OPALIN: variants seen among roughly 807,000 people sequenced by gnomAD.
OPALIN encodes the protein transmembrane protein 10.
In OPALIN, 15 loss-of-function variants were observed where a neutral mutation model predicts 17.8. The observed-to-expected ratio is 0.84, with a 90% CI of 0.56 to 1.29. The LOEUF (loss-of-function observed/expected upper bound fraction) is 1.29, where lower values mean the gene tolerates loss of function less well. Among genes scored for constraint, OPALIN ranks in the 50% most tolerant of loss-of-function variants. The pLI is 0.00. For synonymous variants in OPALIN, 62 were observed against 63.8 expected, an observed-to-expected ratio of 0.97 and a Z score of 0.14; for missense variants, 170 against 176.0, an observed-to-expected ratio of 0.97 and a Z score of 0.19.
chr10:96,355,409 C>T, intron 1 of OPALIN, 119 bp from the exon 2 acceptor site: 1 of 838,090 alleles, frequency 1.2e-6, no homozygotes, highest in Non-Finnish European at 1.9e-6. Context: ...TAGACTCAGC[C>T]AGCCCCCATC....
chr10:96,356,633 G>C (rs149873943), intron 1 of OPALIN, among the ~76,000 whole-genome samples: 1 of 152,312 alleles, frequency 6.6e-6, no homozygotes, highest in East Asian at 1.9e-4. Context: ...CTGACTTACT[G>C]ATGGATTGGA....
At chr10:96,353,679 C>T (rs1315624379) in intron 2 of OPALIN, among the ~76,000 whole-genome samples, 2 of 152,322 alleles carry the variant, frequency 1.3e-5, no homozygotes, top group South Asian at 2.1e-4. Flanking sequence ...TGCTTCTCTG[C>T]ATTCTCTTGA....
chr10:96,353,274 T>A (rs992987035), intron 2 of OPALIN, among the ~76,000 whole-genome samples: 2 of 152,178 alleles, frequency 1.3e-5, no homozygotes, highest in African/African-American at 2.4e-5. Flanking sequence ...GGCATTTCAG[T>A]CCTCAGCAGG....
chr10:96,349,775 T>C lies in OPALIN; in HGVS notation c.124A>G (p.Thr42Ala), dbSNP rs748577490. Residue 42 changes from threonine (T) to alanine (A), a missense_variant, in exon 4 of 6, where the codon ACA becomes GCA. Thr to Ala is a moderately conservative substitution (Grantham distance 58). Transcript: ENST00000371172. ...LAAGIPLLVA[T>A]ALLVALLFTL... ...AATAGTAAAGCCACCAGCAGGGCTG[T>C]GGCCACCAGCAATGGTATGCCCGCC... 19 of 1,613,648 alleles carry C rather than the reference T, an allele frequency of 1.2e-5. No homozygotes were observed. The highest frequency in any genetic ancestry group is 2.2e-5 in the East Asian group (1 of 44,872).
chr10:96,350,518 C>T (rs914601892), intron 3 of OPALIN, among the ~76,000 whole-genome samples: 1 of 152,174 alleles, frequency 6.6e-6, no homozygotes, highest in Non-Finnish European at 1.5e-5. Flanking sequence ...CCAGCCATAC[C>T]ACACTATTTT....
rs912365708 is a variant in OPALIN at position 96,346,094 on chromosome 10, A to G, written c.273T>C (p.His91=). 5 of 1,613,778 alleles carry G rather than the reference A, an allele frequency of 3.1e-6. No homozygotes were observed. In the African/African-American group the frequency reaches 6.7e-5, roughly 22 times the overall value. The change falls in exon 6 of 6, where the codon CAT becomes CAC. Residue 91 remains histidine (H), a synonymous_variant. Transcript: ENST00000371172. ...ISENPRRSPT[H]EKNTMGAQEA... is the part of the protein sequence containing the mutation. ...CTTGTGCTCCCATCGTATTCTTCTC[A>G]TGTGTGGGTGATCTCCTAGGATTCT...
intron 3 of OPALIN, among the ~76,000 whole-genome samples, chr10:96,350,629 C>A (rs573041991): frequency 6.6e-6 from 1 of 152,214 alleles, no homozygotes; most frequent in South Asian, 2.1e-4. Context: ...CAAACCTGCA[C>A]GTTGTGCACA....
intron 2 of OPALIN, 103 bp downstream of exon 2, chr10:96,355,152 T>A: frequency 2.0e-6 from 1 of 502,886 alleles, no homozygotes; most frequent in African/African-American, 2.2e-5. Context: ...TCTGTGTAAC[T>A]TATCACCGTG....
Position 96,344,506 on chromosome 10 carries a change from G to A in OPALIN, c.*1435C>T, listed in dbSNP as rs987395604. 3.9e-5 allele frequency: 6 copies of A among 151,980 alleles called. No individual in the cohort carries two copies. Among genetic ancestry groups the A allele is most frequent in the African/African-American group, 1.5e-4 (6 of 41,362 alleles). The allele number at this position is 151,980 out of a possible 1,614,324, so 9.4% of individuals were successfully genotyped here. Reference sequence around the variant, plus strand: ...TTGGAAAATGGGAAGAGGAGTTACTGGGATAAGAGAAAGCTGGAGGGTGGC... The same window carrying A: ...TTGGAAAATGGGAAGAGGAGTTACTAGGATAAGAGAAAGCTGGAGGGTGGC... On this transcript the variant is annotated 3_prime_UTR_variant, in exon 6 of 6. Coordinates refer to ENST00000371172, the MANE Select transcript of OPALIN (RefSeq NM_033207.5).
intron 1 of OPALIN, among the ~76,000 whole-genome samples, chr10:96,358,186 TA>T (rs61616596): frequency 0.011 from 673 of 61,512 alleles, 7 homozygotes; most frequent in East Asian, 0.061. Flanking sequence ...ATGCTTTTTG[TA>T]AAAAAAAAAA....
At position 96,352,681 on chromosome 10, in the gene OPALIN, T is replaced by TA. The variant is rs72007324; in HGVS notation, c.40-1272dup. Among the ~76,000 whole-genome samples the TA allele has an allele frequency of 3.0e-3, 287 of 96,772 alleles. 1 individual carries two copies. The highest frequency in any genetic ancestry group is 6.5e-3 in the South Asian group (19 of 2,932). The allele number at this position is 96,772 out of a possible 152,430, so 63.5% of individuals were successfully genotyped here. On this transcript the variant is annotated intron_variant, in intron 2 of 5. Coordinates refer to ENST00000371172, the MANE Select transcript of OPALIN (RefSeq NM_033207.5). ...GAAATACACTTAGGGTGGCTTTCAC[T>TA]AAAAAAAAAAAAAAAAAAAGGAAGG... is the stretch of plus-strand genomic sequence containing the variant.
intron 5 of OPALIN, among the ~76,000 whole-genome samples, chr10:96,347,186 G>A (rs1412976308): frequency 1.3e-5 from 2 of 151,606 alleles, no homozygotes; most frequent in East Asian, 3.9e-4. Flanking sequence ...CTGCCTCCCA[G>A]GTTCAAGTGA....
chr10:96,350,666 A>C (rs193229846), intron 3 of OPALIN, among the ~76,000 whole-genome samples: 1 of 152,382 alleles, frequency 6.6e-6, no homozygotes, highest in Admixed American at 6.5e-5. Context: ...AAGTATAATA[A>C]AAATAAATAA....
intron 4 of OPALIN, 60 bp from the exon 5 acceptor site, chr10:96,348,405 C>A (rs901893654): frequency 1.2e-4 from 100 of 810,094 alleles, no homozygotes; most frequent in Non-Finnish European, 1.8e-4. Context: ...AGGGTTATAG[C>A]ATTTGACCGT....
intron 4 of OPALIN, 25 bp from the exon 5 acceptor site, chr10:96,348,370 A>AAAAG (rs1845429301): frequency 1.7e-6 from 2 of 1,159,376 alleles, no homozygotes; most frequent in Admixed American, 3.6e-5. Context: ...ATATAATAAT[A>AAAAG]AAAGAAAGAA....
At position 96,349,825 on chromosome 10, in the gene OPALIN, T is replaced by C. The variant is rs1049480417; in HGVS notation, c.74A>G (p.Asp25Gly). 3 of 1,611,508 alleles carry C rather than the reference T, an allele frequency of 1.9e-6. No homozygotes were observed. The highest frequency in any genetic ancestry group is 2.5e-6 in the Non-Finnish European group (3 of 1,179,234). Reference sequence around the variant, plus strand: ...CGCTAATCCAAGAGAGGGCCCACAGTCCTGGCACAGAATGAAAAACACAGG... The same window carrying C: ...CGCTAATCCAAGAGAGGGCCCACAGCCCTGGCACAGAATGAAAAACACAGG... ...SSPVTGGKET[D>G]CGPSLGLAAG... Residue 25 changes from aspartate to glycine, a missense_variant and splice_region_variant, in exon 4 of 6, where the codon GAC (aspartate) becomes GGC (glycine). By Grantham distance (94) the Asp-to-Gly change is moderately conservative. Coordinates refer to ENST00000371172, the MANE Select transcript of OPALIN (RefSeq NM_033207.5).
chr10:96,356,530 G>A (rs776872573), intron 1 of OPALIN, among the ~76,000 whole-genome samples: 3 of 152,128 alleles, frequency 2.0e-5, no homozygotes, highest in Non-Finnish European at 2.9e-5. Flanking sequence ...ACCAGCCAAT[G>A]GGCCGCAGTC....
At chr10:96,346,345 G>A (rs780717242) in intron 5 of OPALIN, among the ~76,000 whole-genome samples, 5 of 152,228 alleles carry the variant, frequency 3.3e-5, no homozygotes, top group Non-Finnish European at 2.9e-5. Flanking sequence ...TTACTGCTTT[G>A]GGAGAGCTTT....
chr10:96,349,857 G>A (rs1453194881), intron 3 of OPALIN, 31 bp from the exon 4 acceptor site: 5 of 1,589,016 alleles, frequency 3.1e-6, no homozygotes, highest in Non-Finnish European at 3.4e-6. Context: ...CAGGGTCAGA[G>A]GAAGCCCAGA....
Sources: gnomAD v4.1 joint callset for allele counts (sites outside exome capture counted in the v4.1 genomes callset) on GRCh38, gnomAD v4.1.1 for gene constraint, MANE v1.5 for transcripts, NCBI Gene and HGNC (gene_info 2026-07-23, HGNC 2026-07-21) for gene names.